The following PRKAR1B variants were observed in gnomAD, a reference collection of about 807,000 sequenced individuals.
PRKAR1B encodes protein kinase cAMP-dependent type I regulatory subunit beta.
PRKAR1B carries 22 observed loss-of-function variants against 46.5 expected under a neutral mutation model. That is an observed-to-expected ratio of 0.47 (90% CI 0.34 to 0.68). The LOEUF (loss-of-function observed/expected upper bound fraction) is 0.68, where lower values mean the gene tolerates loss of function less well. PRKAR1B is among the 30% of genes least tolerant of loss of function. The probability of loss-of-function intolerance (pLI) is 0.01; values close to 1 mark genes in which losing one functional copy is unlikely to be tolerated. For missense variants in PRKAR1B, 445 were observed against 535.6 expected, an observed-to-expected ratio of 0.83 and a Z score of 1.67; for synonymous variants, 259 against 217.7, an observed-to-expected ratio of 1.19 and a Z score of -1.67.
intron 4 of PRKAR1B, among the ~76,000 whole-genome samples, chr7:620,335 T>G (rs1783046532): frequency 6.6e-6 from 1 of 152,206 alleles, no homozygotes; most frequent in Non-Finnish European, 1.5e-5. Context: ...TATAGAGGTT[T>G]AAAACTTCCT....
rs559431151 is a variant in PRKAR1B at position 632,644 on chromosome 7, C to A, written c.441-25192G>T. Among the ~76,000 whole-genome samples, 3 of 152,216 alleles carry A rather than the reference C, an allele frequency of 2.0e-5. No homozygotes were observed. The East Asian group carries it at 5.8e-4, about 29-fold the overall frequency. Reference sequence around the variant, plus strand: ...CACTGCGGCCCTCATGATGCTGCTGCGTGTCTGCTCTGCAGGGCACAGGGC... The same window carrying A: ...CACTGCGGCCCTCATGATGCTGCTGAGTGTCTGCTCTGCAGGGCACAGGGC... On this transcript the variant is annotated intron_variant, in intron 4 of 10. Transcript: ENST00000537384.
At chr7:649,744 T>C (rs1784797668) in intron 4 of PRKAR1B, among the ~76,000 whole-genome samples, 1 of 151,900 alleles carries the variant, frequency 6.6e-6, no homozygotes, top group Non-Finnish European at 1.5e-5. Context: ...TTTTTGTTCT[T>C]TGCAGAGATT....
At chr7:575,072 C>T (rs149416232) in intron 9 of PRKAR1B, among the ~76,000 whole-genome samples, 26 of 152,328 alleles carry the variant, frequency 1.7e-4, no homozygotes, top group East Asian at 5.8e-4. Context: ...CTGAAGTCAG[C>T]GACTTAAACC....
intron 2 of PRKAR1B, among the ~76,000 whole-genome samples, chr7:694,100 C>G (rs1386530571): frequency 2.0e-5 from 3 of 151,980 alleles, no homozygotes; most frequent in African/African-American, 7.3e-5. Context: ...CTGGCTAACA[C>G]GGTAAAACCC....
At chr7:681,625 C>T (rs924721763) in intron 2 of PRKAR1B, among the ~76,000 whole-genome samples, 4 of 152,174 alleles carry the variant, frequency 2.6e-5, no homozygotes, top group East Asian at 3.9e-4. Flanking sequence ...CCCGAGTCAC[C>T]GTGGAACGAC....
In PRKAR1B at chr7:617,579, T is replaced by C. The variant is rs564094227; in HGVS notation, c.441-10127A>G. Among the ~76,000 whole-genome samples the C allele has an allele frequency of 2.6e-5, 4 of 152,336 alleles. No individual in the cohort carries two copies. In the South Asian group the frequency reaches 8.3e-4, roughly 32 times the overall value. On this transcript the variant is annotated intron_variant, in intron 4 of 10. Transcript: ENST00000537384. ...AGACCCACACTAACATCAGGCCAGC[T>C]GGTCAAGTCCCACCCAGCCCTGTAG...
chr7:716,661 C>G (rs1760098761), intron 1 of PRKAR1B: 1 of 152,196 alleles, frequency 6.6e-6, no homozygotes, highest in Admixed American at 6.5e-5. Flanking sequence ...GGCGAAGAGA[C>G]CAACACAGCT....
chr7:712,660 C>T (rs1264360388), intron 1 of PRKAR1B: 1 of 127,430 alleles, frequency 7.8e-6, no homozygotes, highest in East Asian at 2.5e-4. Flanking sequence ...GCCCCCGCCC[C>T]ATCCCCCACC....
rs541893636 is a variant in PRKAR1B, at chr7:694,727, C to T, written c.178-14001G>A. ...CTGCCCCCATCTCAGAGACACAGTG[C>T]CAGGTGCACTCAAGAACCAGGTGAA... On this transcript the variant is annotated intron_variant, in intron 2 of 10. Coordinates refer to ENST00000537384, the MANE Select transcript of PRKAR1B (RefSeq NM_001164760.2). Among the ~76,000 whole-genome samples, 53 of 152,190 alleles carry T rather than the reference C, an allele frequency of 3.5e-4. No homozygotes were observed. The Middle Eastern group carries it at 0.014, about 39-fold the overall frequency.
rs141735318 is a variant in PRKAR1B at position 616,603 on chromosome 7, G to A, written c.441-9151C>T. On this transcript the variant is annotated intron_variant, in intron 4 of 10. Coordinates refer to ENST00000537384, the MANE Select transcript of PRKAR1B (RefSeq NM_001164760.2). ...TCTGCTGTGGCAGCCATCGCACAGC[G>A]GCTCCTCACCGGCCACCAGACCCCA... is the stretch of plus-strand genomic sequence containing the variant. Among the ~76,000 whole-genome samples the A allele has an allele frequency of 6.6e-3, 1,000 of 152,276 alleles. 4 individuals are homozygous for A. Among genetic ancestry groups the A allele is most frequent in the Non-Finnish European group, 0.01 (688 of 68,012 alleles).
At chr7:716,230 T>C (rs1342540493) in intron 1 of PRKAR1B, among the ~76,000 whole-genome samples, 1 of 115,584 alleles carries the variant, frequency 8.7e-6, no homozygotes, top group African/African-American at 3.4e-5. Flanking sequence ...ACATTTTTTT[T>C]TTTTTTGTAA....
intron 4 of PRKAR1B, among the ~76,000 whole-genome samples, chr7:664,044 T>G (rs1785767956): frequency 6.6e-6 from 1 of 152,096 alleles, no homozygotes; most frequent in African/African-American, 2.4e-5. Context: ...ATGCTTTGTA[T>G]TACAAGGAGC....
chr7:552,577 G>C (rs965615356), intron 9 of PRKAR1B, among the ~76,000 whole-genome samples: 1 of 152,196 alleles, frequency 6.6e-6, no homozygotes, highest in African/African-American at 2.4e-5. Context: ...CCTGTGACCA[G>C]GGCATCTGAG....
intron 7 of PRKAR1B, among the ~76,000 whole-genome samples, chr7:594,839 G>T (rs1476772493): frequency 6.6e-6 from 1 of 152,064 alleles, no homozygotes; most frequent in Non-Finnish European, 1.5e-5. Context: ...ACCATGAGGA[G>T]TCCCCCCCAG....
At chr7:551,831 T>A (rs1784230406) in intron 9 of PRKAR1B, among the ~76,000 whole-genome samples, 1 of 119,200 alleles carries the variant, frequency 8.4e-6, no homozygotes, top group Non-Finnish European at 1.7e-5. Context: ...CCCACCCAGG[T>A]CCTTCTCCCA....
At chr7:588,687 GTGA>G (rs768931384) in intron 7 of PRKAR1B, among the ~76,000 whole-genome samples, 3 of 52,908 alleles carry the variant, frequency 5.7e-5, no homozygotes, top group Admixed American at 2.2e-4. Context: ...GACGATGATG[GTGA>G]TGGTGGTGAT....
chr7:557,797 T>C (rs1778540265), intron 9 of PRKAR1B, among the ~76,000 whole-genome samples: 1 of 152,090 alleles, frequency 6.6e-6, no homozygotes, highest in Non-Finnish European at 1.5e-5. Context: ...CTCAGGAGGA[T>C]TGAGAGTCTG....
chr7:572,514 A>C (rs1779577307), intron 9 of PRKAR1B, among the ~76,000 whole-genome samples: 1 of 151,954 alleles, frequency 6.6e-6, no homozygotes. Context: ...TCTGCAGTGG[A>C]GTTGCCCCCG....
chr7:553,189 G>A (rs1024388067), intron 9 of PRKAR1B, among the ~76,000 whole-genome samples: 2 of 152,214 alleles, frequency 1.3e-5, no homozygotes, highest in East Asian at 1.9e-4. Flanking sequence ...GGAATGTCCC[G>A]CTGACACTAG....
Sources: gnomAD v4.1 joint callset for allele counts (sites outside exome capture counted in the v4.1 genomes callset) on GRCh38, gnomAD v4.1.1 for gene constraint, MANE v1.5 for transcripts, NCBI Gene and HGNC (gene_info 2026-07-23, HGNC 2026-07-21) for gene names.